Variants in RBFOX2 observed in about 807,000 individuals in gnomAD.
RBFOX2 encodes RNA binding fox-1 homolog 2, also known as RNA binding protein fox-1 homolog 2.
Under a neutral mutation model 49.1 loss-of-function variants are expected in RBFOX2, and 10 were observed. That is an observed-to-expected ratio of 0.20 (90% confidence interval 0.13 to 0.35). The LOEUF is 0.35. RBFOX2 is among the 10% of genes least tolerant of loss of function. The pLI is 1.00. For synonymous variants in RBFOX2, 183 were observed against 187.4 expected (o/e 0.98, Z 0.19); for missense variants, 323 against 486.9 (o/e 0.66, Z 3.17).
intron 1 of RBFOX2, among the ~76,000 whole-genome samples, chr22:36,009,015 C>CA (rs1214984671): frequency 6.6e-6 from 1 of 151,798 alleles, no homozygotes; most frequent in Non-Finnish European, 1.5e-5. Flanking sequence ...TACACAGCTT[C>CA]AAAAAAAACT....
chr22:35,881,132 G>A (rs1468520288), intron 1 of RBFOX2, among the ~76,000 whole-genome samples: 1 of 152,108 alleles, frequency 6.6e-6, no homozygotes, highest in Non-Finnish European at 1.5e-5. Flanking sequence ...GGGCGTGGTG[G>A]CGGGCGCCTG....
chr22:35,965,424 T>C (rs1043682251), upstream of RBFOX2, among the ~76,000 whole-genome samples: 1 of 152,194 alleles, frequency 6.6e-6, no homozygotes, highest in South Asian at 2.1e-4. Context: ...ATTAATATTA[T>C]GGAGATTTGT....
chr22:35,763,333 G>T (rs1011154803), intron 6 of RBFOX2, among the ~76,000 whole-genome samples: 2 of 152,150 alleles, frequency 1.3e-5, no homozygotes, highest in Non-Finnish European at 2.9e-5. Flanking sequence ...AGGCTGAGGC[G>T]GAGGGATCAC....
chr22:35,872,651 G>T (rs561925445), intron 1 of RBFOX2, among the ~76,000 whole-genome samples: 101 of 152,292 alleles, frequency 6.6e-4, no homozygotes, highest in Non-Finnish European at 1.3e-3. Flanking sequence ...CCCGTCAATG[G>T]CCTGCCAGGG....
chr22:35,885,843 ATTTTTTTTTTTTT>A (rs538674450), intron 1 of RBFOX2, among the ~76,000 whole-genome samples: 2 of 83,146 alleles, frequency 2.4e-5, no homozygotes, highest in African/African-American at 5.3e-5. Flanking sequence ...CCCAAACCTA[ATTTTTTTTTTTTT>A]TTTTTTTTTT....
chr22:36,011,062 A>C (rs1030009554), intron 1 of RBFOX2, among the ~76,000 whole-genome samples: 1 of 152,232 alleles, frequency 6.6e-6, no homozygotes, highest in African/African-American at 2.4e-5. Flanking sequence ...TCTGGGAAAC[A>C]TCTGGTATAC....
intron 4 of RBFOX2, among the ~76,000 whole-genome samples, chr22:35,776,653 A>C (rs1943986058): frequency 1.3e-5 from 2 of 152,192 alleles, no homozygotes; most frequent in South Asian, 2.1e-4. Context: ...CTCAAATTAC[A>C]TGTTTAAGAG....
At chr22:35,807,397 C>G (rs1003619391) in intron 2 of RBFOX2, among the ~76,000 whole-genome samples, 12 of 151,884 alleles carry the variant, frequency 7.9e-5, no homozygotes, top group African/African-American at 2.9e-4. Context: ...AAATTGAGAT[C>G]ATGTGAAGCG....
intron 9 of RBFOX2, among the ~76,000 whole-genome samples, chr22:35,752,951 G>T (rs1033814812): frequency 9.1e-4 from 139 of 152,308 alleles, no homozygotes; most frequent in African/African-American, 3.2e-3. Flanking sequence ...AGAATTGCTA[G>T]ATCAGTTCTC....
intron 4 of RBFOX2, among the ~76,000 whole-genome samples, chr22:35,768,939 CG>C (rs1235637558): frequency 1.3e-5 from 2 of 152,078 alleles, no homozygotes; most frequent in African/African-American, 4.8e-5. Flanking sequence ...AGGGCATAGT[CG>C]GTGTACAATT....
chr22:35,855,330 C>G (rs1237283327), intron 1 of RBFOX2, among the ~76,000 whole-genome samples: 1 of 152,108 alleles, frequency 6.6e-6, no homozygotes, highest in Non-Finnish European at 1.5e-5. Flanking sequence ...GTGTCCTGAT[C>G]AATAAAAAAC....
intron 1 of RBFOX2, among the ~76,000 whole-genome samples, chr22:35,891,316 G>T (rs962912026): frequency 6.6e-6 from 1 of 152,106 alleles, no homozygotes; most frequent in Non-Finnish European, 1.5e-5. Flanking sequence ...TGTATTTTTA[G>T]TAGAGACGGT....
intron 1 of RBFOX2, among the ~76,000 whole-genome samples, chr22:35,931,316 TAA>T (rs75649440): frequency 0.086 from 11,670 of 135,162 alleles, 461 homozygotes; most frequent in African/African-American, 0.099. Flanking sequence ...CATGTTTAGT[TAA>T]AAAAAAAAAA....
intron 1 of RBFOX2, among the ~76,000 whole-genome samples, chr22:35,826,992 A>G (rs1955899469): frequency 6.6e-6 from 1 of 152,222 alleles, no homozygotes; most frequent in African/African-American, 2.4e-5. Flanking sequence ...CTTTACTTAG[A>G]TAAGCTTTTG....
At chr22:36,001,176 C>A in intron 1 of RBFOX2, among the ~76,000 whole-genome samples, 1 of 126,634 alleles carries the variant, frequency 7.9e-6, no homozygotes, top group African/African-American at 3.2e-5. Flanking sequence ...TTCTCTGGCC[C>A]CAAAACATAC....
intron 1 of RBFOX2, among the ~76,000 whole-genome samples, chr22:36,014,828 A>C (rs2058972196): frequency 6.6e-6 from 1 of 152,206 alleles, no homozygotes; most frequent in South Asian, 2.1e-4. Context: ...AAATCACTAG[A>C]AGTCCCTGAT....
chr22:35,916,691 C>G (rs937095114), intron 1 of RBFOX2, among the ~76,000 whole-genome samples: 1 of 151,884 alleles, frequency 6.6e-6, no homozygotes, highest in Non-Finnish European at 1.5e-5. Flanking sequence ...AGATCAGAAG[C>G]TCGAGACCAG....
rs1320685807 is a variant in RBFOX2 at position 35,873,481 on chromosome 22, CAA to C, written c.-33-63479_-33-63478del. On this transcript the variant is annotated intron_variant, in intron 1 of 13. Coordinates refer to the RBFOX2 transcript ENST00000359369. ...CTAAGGATTTATACTAATGCTAGGG[CAA>C]GACTTCACCCCACTCATAGCGTAGT... 1.2e-4 allele frequency among the ~76,000 whole-genome samples: 18 copies of C among 151,726 alleles called. 1 individual carries two copies. The South Asian group carries it at 3.5e-3, about 30-fold the overall frequency.
intron 2 of RBFOX2, among the ~76,000 whole-genome samples, chr22:35,785,274 GTATC>G (rs1165132658): frequency 6.6e-6 from 1 of 152,144 alleles, no homozygotes; most frequent in African/African-American, 2.4e-5. Flanking sequence ...TTTTTGATAA[GTATC>G]TAACAGGTGT....
Sources: gnomAD v4.1 joint callset for allele counts (sites outside exome capture counted in the v4.1 genomes callset) on GRCh38, gnomAD v4.1.1 for gene constraint, MANE v1.5 for transcripts, NCBI Gene and HGNC (gene_info 2026-07-23, HGNC 2026-07-21) for gene names.